Variants in SMNDC1 observed in about 807,000 individuals in gnomAD.
SMNDC1 encodes survival motor neuron domain containing 1, also known as survival of motor neuron-related-splicing factor 30.
In SMNDC1, 5 loss-of-function variants were observed where a neutral mutation model predicts 29.2. That is an observed-to-expected ratio of 0.17 (90% confidence interval 0.09 to 0.36). SMNDC1 has a LOEUF of 0.36. Among genes scored for constraint, SMNDC1 ranks in the 10% least tolerant of loss-of-function variants. The probability of loss-of-function intolerance (pLI) is 1.00; values close to 1 mark genes in which losing one functional copy is unlikely to be tolerated. For synonymous variants in SMNDC1, 80 were observed against 89.9 expected (o/e 0.89, Z 0.62); for missense variants, 142 against 268.5 (o/e 0.53, Z 3.29).
chr10:110,295,256 C>T lies in SMNDC1; in HGVS notation c.551G>A (p.Arg184Lys). 2 of 1,603,194 alleles carry T rather than the reference C, an allele frequency of 1.2e-6. No individual in the cohort carries two copies. Among genetic ancestry groups the T allele is most frequent in the Non-Finnish European group, 1.7e-6 (2 of 1,177,222 alleles). The stretch of plus-strand genomic sequence containing the variant: ...GCCTTTTTTGTTTTTAGAATAGGCT[C>T]TGTTGTTGAATTGTTGCCATTTCAC... ...QKVKWQQFNN[R>K]AYSKNKKGQV... Residue 184 changes from arginine (R) to lysine (K), a missense_variant, in exon 5 of 6, where the codon AGA becomes AAA. By Grantham distance (26) the Arg-to-Lys change is conservative (BLOSUM62 2). This residue lies in a region of SMNDC1 where 54 missense variants were observed against 152.1 expected (regional missense o/e 0.36). Transcript: ENST00000369603.
chr10:110,302,722 T>C (rs1857672214), intron 2 of SMNDC1, among the ~76,000 whole-genome samples: 1 of 152,234 alleles, frequency 6.6e-6, no homozygotes, highest in African/African-American at 2.4e-5. Flanking sequence ...GCAAATTATA[T>C]ATGGCATTTT....
Position 110,291,064 on chromosome 10 carries a change from G to A in SMNDC1, c.*3086C>T, listed in dbSNP as rs558321978. On this transcript the variant is annotated 3_prime_UTR_variant, in exon 6 of 6. Coordinates refer to ENST00000369603, the MANE Select transcript of SMNDC1 (RefSeq NM_005871.4). ...TTTTTAAAAAAAATGTGTTGCTACA[G>A]TAACTGATGCATCTTGTTTTGGTTT... is the stretch of plus-strand genomic sequence containing the variant. The A allele has an allele frequency of 1.3e-4, 20 of 152,300 alleles. No individual in the cohort carries two copies. The highest frequency in any genetic ancestry group is 4.6e-4 in the African/African-American group (19 of 41,560). The allele number at this position is 152,300 out of a possible 1,614,324, so 9.4% of individuals were successfully genotyped here.
intron 4 of SMNDC1, 27 bp downstream of exon 4, chr10:110,297,540 T>C (rs1319531282): frequency 1.9e-6 from 3 of 1,605,778 alleles, no homozygotes; most frequent in Non-Finnish European, 2.6e-6. Flanking sequence ...AGATTGCACC[T>C]AAAATGGAAA....
chr10:110,299,022 T>C (rs1388095388), intron 2 of SMNDC1, among the ~76,000 whole-genome samples: 3 of 152,200 alleles, frequency 2.0e-5, no homozygotes, highest in Non-Finnish European at 4.4e-5. Flanking sequence ...CCTTTCAACT[T>C]AACCACAAAT....
At chr10:110,300,677 T>G (rs1683499414) in intron 2 of SMNDC1, 11 of 985,260 alleles carry the variant, frequency 1.1e-5, no homozygotes, top group African/African-American at 1.7e-5. Flanking sequence ...GCAGGTCAAA[T>G]GGGGTGCACT....
At chr10:110,294,733 T>G (rs1448519930) in intron 5 of SMNDC1, among the ~76,000 whole-genome samples, 1 of 152,210 alleles carries the variant, frequency 6.6e-6, no homozygotes, top group Non-Finnish European at 1.5e-5. Context: ...TGTCCATCAA[T>G]GGAAGGGCTA....
chr10:110,297,416 A>C, intron 4 of SMNDC1, 151 bp downstream of exon 4: 1 of 684,836 alleles, frequency 1.5e-6, no homozygotes, highest in Non-Finnish European at 2.5e-6. Context: ...AGGCACACTT[A>C]CACAGACAAT....
intron 5 of SMNDC1, 47 bp downstream of exon 5, chr10:110,295,181 G>T: frequency 1.3e-6 from 2 of 1,491,336 alleles, no homozygotes; most frequent in Non-Finnish European, 1.8e-6. Context: ...TTATTTTAAT[G>T]ACAGTTGCAT....
At chr10:110,295,757 T>C (rs1051967177) in intron 4 of SMNDC1, among the ~76,000 whole-genome samples, 2 of 151,938 alleles carry the variant, frequency 1.3e-5, no homozygotes, top group Non-Finnish European at 2.9e-5. Flanking sequence ...TTCTTGTGCC[T>C]CACCCTCCCA....
At chr10:110,299,309 G>A (rs1180481444) in intron 2 of SMNDC1, among the ~76,000 whole-genome samples, 1 of 152,126 alleles carries the variant, frequency 6.6e-6, no homozygotes, top group Non-Finnish European at 1.5e-5. Context: ...CAATGTAAAA[G>A]AAACCAGTGG....
chr10:110,299,319 G>C (rs1027407459), intron 2 of SMNDC1, among the ~76,000 whole-genome samples: 7 of 152,134 alleles, frequency 4.6e-5, no homozygotes, highest in Non-Finnish European at 1.0e-4. Flanking sequence ...GAAACCAGTG[G>C]TCTTCCTATT....
At chr10:110,294,321 A>G in intron 5 of SMNDC1, 34 bp from the exon 6 acceptor site, 1 of 1,524,066 alleles carries the variant, frequency 6.6e-7, no homozygotes, top group African/African-American at 1.4e-5. Flanking sequence ...ATTCCTGATT[A>G]GTGTTGGAAA....
intron 5 of SMNDC1, among the ~76,000 whole-genome samples, 170 bp downstream of exon 5, chr10:110,295,058 G>C (rs945519247): frequency 1.3e-5 from 2 of 152,108 alleles, no homozygotes; most frequent in Non-Finnish European, 2.9e-5. Context: ...TTATTGCAGA[G>C]ACAATGGCTA....
At chr10:110,297,507 T>C in intron 4 of SMNDC1, 60 bp downstream of exon 4, 1 of 1,480,680 alleles carries the variant, frequency 6.8e-7, no homozygotes, top group Non-Finnish European at 9.3e-7. Context: ...CTCTGCAGAC[T>C]ACTTCAAGTA....
intron 4 of SMNDC1, among the ~76,000 whole-genome samples, chr10:110,296,014 T>C: frequency 6.6e-6 from 1 of 152,184 alleles, no homozygotes; most frequent in East Asian, 1.9e-4. Context: ...AGTTTCAGTA[T>C]TAATGGGTAT....
chr10:110,294,117 C>A lies in SMNDC1; in HGVS notation c.*33G>T. On this transcript the variant is annotated 3_prime_UTR_variant, in exon 6 of 6. Coordinates refer to ENST00000369603, the MANE Select transcript of SMNDC1 (RefSeq NM_005871.4). ...TAAGGATAAAAAGGTAAATGTAAAG[C>A]CCTGCAGAGATGAAATCCAACAGTT... 1 of 1,528,598 alleles carries A rather than the reference C, an allele frequency of 6.5e-7. No homozygotes were observed. 94.7% of individuals were successfully genotyped at this position (1,528,598 alleles called of 1,614,324 possible). A position where few individuals can be genotyped will look rare whatever the true frequency, so the allele number is the denominator to read the frequency against.
chr10:110,301,710 A>G (rs1021916702), intron 2 of SMNDC1, among the ~76,000 whole-genome samples: 1 of 152,208 alleles, frequency 6.6e-6, no homozygotes, highest in African/African-American at 2.4e-5. Context: ...GTTCTACTGG[A>G]CAGTGCTGTT....
intron 2 of SMNDC1, among the ~76,000 whole-genome samples, chr10:110,300,314 G>C (rs1436733301): frequency 6.6e-6 from 1 of 152,126 alleles, no homozygotes; most frequent in Non-Finnish European, 1.5e-5. Context: ...CAAAGAAAAG[G>C]GTCCTGAAAA....
rs1315004376 is a variant in SMNDC1, at chr10:110,293,129, A to G, written c.*1021T>C. 3 of 152,646 alleles carry G rather than the reference A, an allele frequency of 2.0e-5. No homozygotes were observed. The highest frequency in any genetic ancestry group is 4.4e-5 in the Non-Finnish European group (3 of 68,040). 9.5% of individuals were successfully genotyped at this position (152,646 alleles called of 1,614,324 possible). On this transcript the variant is annotated 3_prime_UTR_variant, in exon 6 of 6. Coordinates refer to ENST00000369603, the MANE Select transcript of SMNDC1 (RefSeq NM_005871.4). ...CTAAAAATTACCTTCTTCCATTAAT[A>G]GGAAGACCCTTTTCTATGCATGTAT...
Sources: allele counts gnomAD v4.1 joint callset (sites outside exome capture counted in the v4.1 genomes callset), GRCh38; gene constraint gnomAD v4.1.1; regional missense constraint gnomAD v4.1.1; transcripts MANE v1.5; gene names NCBI Gene and HGNC (gene_info 2026-07-23, HGNC 2026-07-21).